The following ACTA2 variants were observed in gnomAD, a reference collection of about 807,000 sequenced individuals.
ACTA2 encodes the protein actin alpha 2, smooth muscle.
A neutral mutation model predicts 39.5 loss-of-function variants in ACTA2; 12 were observed. The observed-to-expected ratio is 0.30, with a 90% CI of 0.19 to 0.49. The LOEUF (loss-of-function observed/expected upper bound fraction) is 0.49. Among genes scored for constraint, ACTA2 ranks in the 20% least tolerant of loss-of-function variants. ACTA2 has a pLI of 0.99. For missense variants in ACTA2, 236 were observed against 498.8 expected, an observed-to-expected ratio of 0.47 and a Z score of 5.02; for synonymous variants, 158 against 180.6, an observed-to-expected ratio of 0.88 and a Z score of 1.00.
Position 88,958,251 on chromosome 10 carries a change from A to G in ACTA2, c.-23-9298T>C, listed in dbSNP as rs144360559. Among the ~76,000 whole-genome samples the G allele has an allele frequency of 5.4e-3, 829 of 152,344 alleles. 3 individuals carry two copies. Among genetic ancestry groups the G allele is most frequent in the Middle Eastern group, 0.014 (4 of 294 alleles). On this transcript the variant is annotated intron_variant, in intron 1 of 4. Coordinates refer to the ACTA2 transcript ENST00000415557. ...GGAACATTCAGTAAATGTTGATTGA[A>G]CTGAACTGAATAAAGCACAGAAAAT...
At chr10:88,953,175 C>A (rs139874507), upstream of ACTA2, among the ~76,000 whole-genome samples, 5 of 152,330 alleles carry the variant, frequency 3.3e-5, no homozygotes, top group East Asian at 9.7e-4. Context: ...GCAGAAAGGG[C>A]TGCCTCTGCC....
intron 1 of ACTA2, among the ~76,000 whole-genome samples, chr10:88,966,501 T>C (rs146540296): frequency 6.6e-6 from 1 of 152,348 alleles, no homozygotes; most frequent in African/African-American, 2.4e-5. Flanking sequence ...GATTGAAATA[T>C]TGAATTTGAA....
intron 1 of ACTA2, among the ~76,000 whole-genome samples, chr10:88,988,878 A>G (rs1290816122): frequency 1.3e-5 from 2 of 152,176 alleles, no homozygotes; most frequent in Non-Finnish European, 1.5e-5. Context: ...AATTAAAGTA[A>G]CCCAGAATTT....
Position 88,957,849 on chromosome 10 carries a change from C to T in ACTA2, c.-23-8896G>A, listed in dbSNP as rs1295356381. Among the ~76,000 whole-genome samples the T allele has an allele frequency of 2.0e-5, 3 of 152,112 alleles. No individual in the cohort carries two copies. In the East Asian group the frequency reaches 5.8e-4, roughly 29 times the overall value. On this transcript the variant is annotated intron_variant, in intron 1 of 4. Coordinates refer to the ACTA2 transcript ENST00000415557. ...GTGGTGCGACCTCGGCTCACTGCAACAACCGCCTACCGGGTTCAAGTGATT... is the reference window on the plus strand; with the variant it reads ...GTGGTGCGACCTCGGCTCACTGCAATAACCGCCTACCGGGTTCAAGTGATT...
chr10:88,968,241 A>G (rs939301487), intron 1 of ACTA2, among the ~76,000 whole-genome samples: 2 of 152,214 alleles, frequency 1.3e-5, no homozygotes, highest in Non-Finnish European at 2.9e-5. Flanking sequence ...TATTTGACTA[A>G]CCAGACACCT....
intron 1 of ACTA2, among the ~76,000 whole-genome samples, chr10:88,975,662 G>T (rs1263867174): frequency 2.6e-5 from 4 of 151,740 alleles, no homozygotes; most frequent in Middle Eastern, 3.2e-3. Context: ...TTCAATGTTG[G>T]TCAATGCTGC....
chr10:88,937,562 C>A (rs535363536), intron 8 of ACTA2, among the ~76,000 whole-genome samples: 34 of 152,260 alleles, frequency 2.2e-4, no homozygotes, highest in Non-Finnish European at 3.1e-4. Context: ...AGCACCTGTA[C>A]CAAAAGATGT....
At position 88,990,419 on chromosome 10, in the gene ACTA2, C is replaced by T. The variant is rs1321398252; in HGVS notation, c.-24+520G>A. On this transcript the variant is annotated intron_variant, in intron 1 of 4. Coordinates refer to the ACTA2 transcript ENST00000415557. This position sits in a 1 kb window ranked among gnomAD's most constrained non-coding sequence, Gnocchi z 4.9. ...TTAGAAAGGGCAGGAGGCCGGCTCT[C>T]GAGGTCCTCACCTGAAGTGAGCATG... The T allele has an allele frequency of 1.3e-5, 6 of 458,130 alleles. No homozygotes were observed. Among genetic ancestry groups the T allele is most frequent in the Non-Finnish European group, 2.5e-5 (6 of 239,472 alleles). 28.4% of individuals were successfully genotyped at this position (458,130 alleles called of 1,614,324 possible). A position where few individuals can be genotyped will look rare whatever the true frequency, so the allele number is the denominator to read the frequency against.
intron 3 of ACTA2, among the ~76,000 whole-genome samples, 185 bp from the exon 4 acceptor site, chr10:88,944,092 A>C (rs1845905173): frequency 6.6e-6 from 1 of 152,202 alleles, no homozygotes; most frequent in East Asian, 1.9e-4. Context: ...ACCTTCCCAA[A>C]GGATTCACAT....
intron 1 of ACTA2, among the ~76,000 whole-genome samples, chr10:88,984,161 T>G (rs761925855): frequency 5.3e-5 from 8 of 152,200 alleles, no homozygotes; most frequent in Non-Finnish European, 1.0e-4. Flanking sequence ...CTTGTTAAAC[T>G]ATAGGAAGTT....
intron 1 of ACTA2, 77 bp from the exon 2 acceptor site, chr10:88,949,030 A>G (rs746840794): frequency 6.6e-6 from 10 of 1,523,826 alleles, no homozygotes; most frequent in Non-Finnish European, 9.0e-6. Context: ...CCCACCTCCA[A>G]GGCTGGGTTT....
At chr10:88,957,293 T>G (rs1379331910), upstream of ACTA2, among the ~76,000 whole-genome samples, 1 of 152,200 alleles carries the variant, frequency 6.6e-6, no homozygotes, top group African/African-American at 2.4e-5. Context: ...TTATTTTTGT[T>G]TATGAAAGAA....
intron 3 of ACTA2, among the ~76,000 whole-genome samples, chr10:88,945,500 A>G (rs1438867828): frequency 6.6e-6 from 1 of 152,142 alleles, no homozygotes; most frequent in Non-Finnish European, 1.5e-5. Context: ...AAAATTTTTT[A>G]TGTCACTTTC....
intron 2 of ACTA2, among the ~76,000 whole-genome samples, chr10:88,947,860 A>G (rs1053134230): frequency 9.2e-5 from 14 of 152,354 alleles, no homozygotes; most frequent in African/African-American, 3.4e-4. Context: ...TTTTCTAACT[A>G]TTATAAGCAA....
In ACTA2 at chr10:88,990,279, G is replaced by C. The variant is rs1847082731; in HGVS notation, c.-24+660C>G. On this transcript the variant is annotated intron_variant, in intron 1 of 4. Coordinates refer to the ACTA2 transcript ENST00000415557. The surrounding 1 kb of genome is among the most constrained non-coding windows in gnomAD (Gnocchi z 4.9). ...TCAAATGCCCCGCAAGTCTTTCTCTGAGTGACTCCAGCAATTAGCCAAGGC... is the reference window on the plus strand; with the variant it reads ...TCAAATGCCCCGCAAGTCTTTCTCTCAGTGACTCCAGCAATTAGCCAAGGC... Among the ~76,000 whole-genome samples the C allele has an allele frequency of 6.6e-6, 1 of 152,168 alleles. No individual in the cohort carries two copies. The highest frequency in any genetic ancestry group is 1.5e-5 in the Non-Finnish European group (1 of 68,036).
chr10:88,984,591 A>G (rs748035159), intron 1 of ACTA2, among the ~76,000 whole-genome samples: 18 of 152,174 alleles, frequency 1.2e-4, no homozygotes, highest in Non-Finnish European at 2.2e-4. Flanking sequence ...TATTGTGTTG[A>G]TTTTTGTTTT....
chr10:88,966,552 C>T (rs1023033918), intron 1 of ACTA2, among the ~76,000 whole-genome samples: 8 of 152,036 alleles, frequency 5.3e-5, no homozygotes, highest in African/African-American at 1.4e-4. Context: ...TTATCTGTGG[C>T]GTCTGTGAGG....
Position 88,948,791 on chromosome 10 carries a change from A to G in ACTA2, c.129+11T>C. 6.2e-7 allele frequency: 1 copy of G among 1,613,758 alleles called. No homozygotes were observed. Among genetic ancestry groups the G allele is most frequent in the Non-Finnish European group, 8.5e-7 (1 of 1,179,802 alleles). ...TGTGTCCTGTTATGTTCCAATCATA[A>G]TTTTCCTCACCTGATGTCTGGGACG... On this transcript the variant is annotated intron_variant, in intron 2 of 8. Transcript: ENST00000224784.
At chr10:88,937,964 CA>C (rs1207418646) in intron 8 of ACTA2, 96 bp downstream of exon 8, 7 of 1,439,076 alleles carry the variant, frequency 4.9e-6, no homozygotes, top group African/African-American at 4.2e-5. Flanking sequence ...CCCACAATTG[CA>C]TGTCACCAAA....
Sources: gnomAD v4.1 joint callset for allele counts (sites outside exome capture counted in the v4.1 genomes callset) on GRCh38, gnomAD v4.1.1 for gene constraint, Gnocchi (gnomAD v3.1) non-coding constraint, MANE v1.5 for transcripts, NCBI Gene and HGNC (gene_info 2026-07-23, HGNC 2026-07-21) for gene names.